Variants in RAB7A observed in about 807,000 individuals in gnomAD.
RAB7A encodes RAB7A, member RAS oncogene family.
A neutral mutation model predicts 24.5 loss-of-function variants in RAB7A; 2 were observed. The ratio of observed to expected loss-of-function variants is 0.08; its 90% CI spans 0.03 to 0.26. The LOEUF (loss-of-function observed/expected upper bound fraction) is 0.26. Among genes scored for constraint, RAB7A ranks in the 10% least tolerant of loss-of-function variants. The pLI, the probability that RAB7A is intolerant of heterozygous loss-of-function variation, is 1.00. For synonymous variants in RAB7A, 100 were observed against 95.9 expected (o/e 1.04, Z -0.25); for missense variants, 118 against 255.7 (o/e 0.46, Z 3.67).
At chr3:128,795,551 C>A in intron 2 of RAB7A, 131 bp downstream of exon 2, 1 of 834,188 alleles carries the variant, frequency 1.2e-6, no homozygotes, top group South Asian at 1.4e-5. Flanking sequence ...TTTCCCTCCA[C>A]GGCAGAAATT....
chr3:128,751,705 G>T (rs2070683416), intron 1 of RAB7A, among the ~76,000 whole-genome samples: 1 of 152,222 alleles, frequency 6.6e-6, no homozygotes, highest in South Asian at 2.1e-4. Context: ...TTGGGGGACT[G>T]TTGGGAAGGC....
At chr3:128,774,078 TAAAAA>T (rs146037243) in intron 1 of RAB7A, among the ~76,000 whole-genome samples, 1 of 111,090 alleles carries the variant, frequency 9.0e-6, no homozygotes, top group African/African-American at 3.8e-5. Context: ...AATGATCAAT[TAAAAA>T]AAAAAAAAAA....
Position 128,813,427 on chromosome 3 carries a change from G to T in RAB7A, c.*5G>T. On this transcript the variant is annotated 3_prime_UTR_variant, in exon 6 of 6. Coordinates refer to ENST00000265062, the MANE Select transcript of RAB7A (RefSeq NM_004637.6). ...GCAGAAAGCTGCAGTTGCTGAGGGG[G>T]CAGTGAGAGTTGAGCACAGAGTCCT... 6.2e-7 allele frequency: 1 copy of T among 1,613,410 alleles called. No individual in the cohort carries two copies. Among genetic ancestry groups the T allele is most frequent in the African/African-American group, 1.3e-5 (1 of 75,044 alleles).
chr3:128,757,990 T>C (rs1251936511), intron 1 of RAB7A, among the ~76,000 whole-genome samples: 2 of 151,908 alleles, frequency 1.3e-5, no homozygotes, highest in Admixed American at 6.6e-5. Flanking sequence ...AGAGTCAGGG[T>C]CTTGCTCTGT....
chr3:128,743,552 G>A (rs539585380), intron 1 of RAB7A, among the ~76,000 whole-genome samples: 4 of 152,308 alleles, frequency 2.6e-5, no homozygotes, highest in Non-Finnish European at 5.9e-5. Flanking sequence ...TTGGACATTG[G>A]AATTGCTAGC....
At chr3:128,753,462 T>A (rs2070705260) in intron 1 of RAB7A, among the ~76,000 whole-genome samples, 1 of 152,192 alleles carries the variant, frequency 6.6e-6, no homozygotes, top group Non-Finnish European at 1.5e-5. Flanking sequence ...GTGTTTAACC[T>A]CAATAAAAAA....
chr3:128,772,908 C>T lies in RAB7A; in HGVS notation c.-8-22452C>T, dbSNP rs555345675. 2.6e-5 allele frequency among the ~76,000 whole-genome samples: 4 copies of T among 152,366 alleles called. No individual in the cohort carries two copies. The South Asian group carries it at 8.3e-4, about 32-fold the overall frequency. ...CACTCAGTGCTCAGTGTTGCCCAGG[C>T]TGGAGTGCAGTGGCGTGATCTCGGC... On this transcript the variant is annotated intron_variant, in intron 1 of 5. Transcript: ENST00000265062.
chr3:128,813,517 A>G lies in RAB7A; in HGVS notation c.*95A>G, dbSNP rs1441898659. 1.7e-6 allele frequency: 2 copies of G among 1,197,264 alleles called. No individual in the cohort carries two copies. Among genetic ancestry groups the G allele is most frequent in the Non-Finnish European group, 2.5e-6 (2 of 809,594 alleles). The allele number at this position is 1,197,264 out of a possible 1,614,324, so 74.2% of individuals were successfully genotyped here. On this transcript the variant is annotated 3_prime_UTR_variant, in exon 6 of 6. Transcript: ENST00000265062. ...CCCTCTCCTCTTCCAAACAAAACATACATTGATCTCTCACATCCAGCTGCC... is the reference window on the plus strand; with the variant it reads ...CCCTCTCCTCTTCCAAACAAAACATGCATTGATCTCTCACATCCAGCTGCC...
chr3:128,809,430 G>T (rs748673393), intron 5 of RAB7A, among the ~76,000 whole-genome samples: 1 of 152,086 alleles, frequency 6.6e-6, no homozygotes, highest in Non-Finnish European at 1.5e-5. Flanking sequence ...CCCTCCCTGG[G>T]GCTTAGCCAT....
chr3:128,813,022 G>A (rs1933957221), intron 5 of RAB7A, among the ~76,000 whole-genome samples: 1 of 152,258 alleles, frequency 6.6e-6, no homozygotes, highest in South Asian at 2.1e-4. Flanking sequence ...ATCATGATCT[G>A]ATTGAGAATG....
chr3:128,807,230 C>T (rs896380216), intron 4 of RAB7A, among the ~76,000 whole-genome samples: 2 of 152,162 alleles, frequency 1.3e-5, no homozygotes, highest in Admixed American at 6.5e-5. Context: ...CCAGTAAACA[C>T]TCTTCATTTC....
intron 1 of RAB7A, among the ~76,000 whole-genome samples, chr3:128,750,859 C>T (rs1238049834): frequency 1.1e-4 from 16 of 152,134 alleles, no homozygotes; most frequent in Admixed American, 6.5e-4. Flanking sequence ...TTTCATGGGC[C>T]GGGCCTAGGG....
chr3:128,803,011 T>C (rs1178187494), intron 3 of RAB7A, among the ~76,000 whole-genome samples: 19 of 152,138 alleles, frequency 1.2e-4, no homozygotes, highest in Admixed American at 1.2e-3. Flanking sequence ...GGTTTCACCA[T>C]GTTGGCCAGG....
intron 1 of RAB7A, among the ~76,000 whole-genome samples, chr3:128,760,258 G>A (rs1297795767): frequency 3.3e-5 from 5 of 152,090 alleles, no homozygotes; most frequent in African/African-American, 9.7e-5. Flanking sequence ...TTTGCCCTCT[G>A]GACTCCAGGC....
rs369896284 is a variant in RAB7A, at chr3:128,797,666, A to C, written c.54-277A>C. ...TGCTGGCATCCTTCTAGAATGGAAA[A>C]AATAATACTAGGCTCTACCATTTGA... On this transcript the variant is annotated intron_variant, in intron 2 of 5. Transcript: ENST00000265062. Among the ~76,000 whole-genome samples, 26 of 152,346 alleles carry C rather than the reference A, an allele frequency of 1.7e-4. No homozygotes were observed. The East Asian group carries it at 2.7e-3, about 16-fold the overall frequency.
intron 1 of RAB7A, among the ~76,000 whole-genome samples, chr3:128,743,792 CTTTT>C (rs35973437): frequency 7.1e-6 from 1 of 141,234 alleles, no homozygotes; most frequent in Non-Finnish European, 1.5e-5. Flanking sequence ...TTCTCTCTCT[CTTTT>C]TTTTTTTTTT....
At chr3:128,743,782 TTCTC>T (rs1214646833) in intron 1 of RAB7A, among the ~76,000 whole-genome samples, 23 of 149,014 alleles carry the variant, frequency 1.5e-4, no homozygotes, top group Non-Finnish European at 1.9e-4. Context: ...ACAAAATAAT[TTCTC>T]TCTCTCTTTT....
intron 1 of RAB7A, among the ~76,000 whole-genome samples, chr3:128,757,837 A>G (rs1251881745): frequency 1.3e-5 from 2 of 151,854 alleles, no homozygotes; most frequent in Admixed American, 1.3e-4. Flanking sequence ...TATTTTTAAG[A>G]AAACAGAGAC....
intron 1 of RAB7A, among the ~76,000 whole-genome samples, chr3:128,737,230 G>C (rs923872984): frequency 1.3e-5 from 2 of 151,934 alleles, no homozygotes; most frequent in Admixed American, 1.3e-4. Flanking sequence ...TAGTAGAGAC[G>C]GGGTGTCACT....
Sources: gnomAD v4.1 joint callset for allele counts (sites outside exome capture counted in the v4.1 genomes callset) on GRCh38, gnomAD v4.1.1 for gene constraint, MANE v1.5 for transcripts, NCBI Gene and HGNC (gene_info 2026-07-23, HGNC 2026-07-21) for gene names.